CELF2: variants seen among roughly 807,000 people sequenced by gnomAD.
CELF2 encodes the protein CUG triplet repeat RNA-binding protein 2.
CELF2 carries 8 observed loss-of-function variants against 62.6 expected under a neutral mutation model. The observed-to-expected ratio is 0.13, with a 90% CI of 0.07 to 0.23. The LOEUF (loss-of-function observed/expected upper bound fraction) is 0.23. Ranked by LOEUF, CELF2 falls within the 10% of genes least tolerant of loss-of-function variation. CELF2 has a pLI of 1.00. For synonymous variants in CELF2, 258 were observed against 250.0 expected, an observed-to-expected ratio of 1.03 and a Z score of -0.30; for missense variants, 333 against 671.0, an observed-to-expected ratio of 0.50 and a Z score of 5.56.
chr10:11,017,950 G>A lies in CELF2; in HGVS notation c.-140G>A, dbSNP rs975433597. ...TCGGAGGGGATTGGCGGAGCGCGAG[G>A]AGAGAATGTGACAAGTGCCGGCTCG... On this transcript the variant is annotated 5_prime_UTR_variant, in exon 1 of 13. Transcript: ENST00000633077. This position sits in a 1 kb window ranked among gnomAD's most constrained non-coding sequence, Gnocchi z 5.5. The A allele has an allele frequency of 1.5e-4, 149 of 985,766 alleles. No individual in the cohort carries two copies. The highest frequency in any genetic ancestry group is 1.7e-4 in the Non-Finnish European group (139 of 831,686). 61.1% of individuals were successfully genotyped at this position (985,766 alleles called of 1,614,324 possible).
chr10:11,288,376 G>T (rs767591296), intron 8 of CELF2, 42 bp from the exon 9 acceptor site: 1 of 1,609,382 alleles, frequency 6.2e-7, no homozygotes. Flanking sequence ...CTGTAGAAGT[G>T]TGAGGCCTGT....
intron 1 of CELF2, among the ~76,000 whole-genome samples, chr10:11,009,111 T>G (rs2055922476): frequency 1.3e-5 from 2 of 151,208 alleles, no homozygotes; most frequent in Admixed American, 1.3e-4. Context: ...TTTTGTTGGG[T>G]AGGAAAGACA....
At chr10:11,263,587 C>T (rs2081343177) in intron 5 of CELF2, among the ~76,000 whole-genome samples, 1 of 152,320 alleles carries the variant, frequency 6.6e-6, no homozygotes, top group South Asian at 2.1e-4. Flanking sequence ...GTGAACACCA[C>T]CGCACCCAGA....
the CELF2 span, among the ~76,000 whole-genome samples, chr10:10,536,625 T>A: frequency 6.6e-6 from 1 of 152,214 alleles, no homozygotes; most frequent in Admixed American, 6.5e-5. Context: ...GCCCAGAATG[T>A]CAGCAAGTGT....
At chr10:10,561,060 G>T in the CELF2 span, among the ~76,000 whole-genome samples, 1 of 152,110 alleles carries the variant, frequency 6.6e-6, no homozygotes, top group Non-Finnish European at 1.5e-5. Flanking sequence ...ATTAAATATG[G>T]TACAGGGTAT....
chr10:11,095,729 CT>C (rs942799087), intron 1 of CELF2, among the ~76,000 whole-genome samples: 1 of 152,138 alleles, frequency 6.6e-6, no homozygotes, highest in Non-Finnish European at 1.5e-5. Context: ...GCACGCAGTG[CT>C]CCCCACTAGG....
rs1406935763 is a variant in CELF2, at chr10:10,932,694, G to GTGTGTA, written c.89+12696_89+12697insGTGTAT. On this transcript the variant is annotated intron_variant, in intron 2 of 13. Transcript: ENST00000636488. Reference sequence around the variant, plus strand: ...TATGTGTATGTGTGTGTGTGTGTGTGTATATATATATGTATGTATAATACA... The same window carrying GTGTGTA: ...TATGTGTATGTGTGTGTGTGTGTGTGTGTGTATATATATATATGTATGTATAATACA... Among the ~76,000 whole-genome samples the GTGTGTA allele has an allele frequency of 5.3e-3, 790 of 149,800 alleles. 6 individuals are homozygous for GTGTGTA. Among genetic ancestry groups the GTGTGTA allele is most frequent in the African/African-American group, 0.019 (755 of 40,610 alleles).
chr10:11,186,309 T>TG (rs1354115737), intron 2 of CELF2, among the ~76,000 whole-genome samples: 5 of 151,210 alleles, frequency 3.3e-5, no homozygotes, highest in Non-Finnish European at 7.4e-5. Flanking sequence ...TTTTTTTTTT[T>TG]TTTTCTATTT....
At chr10:11,215,753 C>T (rs1385731851) in intron 2 of CELF2, among the ~76,000 whole-genome samples, 1 of 152,150 alleles carries the variant, frequency 6.6e-6, no homozygotes, top group East Asian at 1.9e-4. Context: ...TCCTGTTTTT[C>T]TTTGTATACC....
intron 12 of CELF2, among the ~76,000 whole-genome samples, chr10:11,326,363 T>A (rs2095727197): frequency 6.6e-6 from 1 of 152,226 alleles, no homozygotes; most frequent in Non-Finnish European, 1.5e-5. Flanking sequence ...CACCCATTCA[T>A]CAGCACCAAC....
the CELF2 span, among the ~76,000 whole-genome samples, chr10:10,727,304 C>G: frequency 4.6e-5 from 7 of 152,188 alleles, no homozygotes; most frequent in Non-Finnish European, 7.3e-5. Context: ...TTTTCCTATG[C>G]CACTTTCTTT....
chr10:10,988,954 G>A (rs961388650), intron 2 of CELF2, among the ~76,000 whole-genome samples: 4 of 151,916 alleles, frequency 2.6e-5, no homozygotes, highest in African/African-American at 9.7e-5. Flanking sequence ...CATAAAAAGT[G>A]AAAAAACTAA....
chr10:10,748,896 A>T, the CELF2 span, among the ~76,000 whole-genome samples: 1 of 152,034 alleles, frequency 6.6e-6, no homozygotes, highest in Admixed American at 6.6e-5. Context: ...GGTGAATTGG[A>T]AGCAGAGTCT....
the CELF2 span, among the ~76,000 whole-genome samples, chr10:10,496,597 T>A: frequency 1.3e-5 from 2 of 152,172 alleles, no homozygotes; most frequent in Non-Finnish European, 2.9e-5. Context: ...TAATGCACAG[T>A]TCTTGCCCCT....
chr10:10,769,338 A>T, the CELF2 span, among the ~76,000 whole-genome samples: 1 of 152,176 alleles, frequency 6.6e-6, no homozygotes, highest in South Asian at 2.1e-4. Flanking sequence ...GAATCACCTG[A>T]TCAAGGGACA....
chr10:10,700,297 C>T, the CELF2 span, among the ~76,000 whole-genome samples: 2 of 152,178 alleles, frequency 1.3e-5, no homozygotes, highest in Non-Finnish European at 2.9e-5. Flanking sequence ...AGGCCCAAGG[C>T]TGGGTTCACA....
chr10:10,778,488 A>G, the CELF2 span, among the ~76,000 whole-genome samples: 3 of 152,222 alleles, frequency 2.0e-5, no homozygotes, highest in Non-Finnish European at 4.4e-5. Flanking sequence ...GTGAAATGGG[A>G]GCTCAAAAAA....
At chr10:11,186,298 T>TG (rs2074893306) in intron 2 of CELF2, among the ~76,000 whole-genome samples, 7 of 110,564 alleles carry the variant, frequency 6.3e-5, no homozygotes, top group Non-Finnish European at 1.8e-5. Flanking sequence ...TTTTGTTGCT[T>TG]TTTTTTTTTT....
At chr10:11,111,985 A>G (rs1307138109) in intron 1 of CELF2, among the ~76,000 whole-genome samples, 1 of 152,256 alleles carries the variant, frequency 6.6e-6, no homozygotes, top group Admixed American at 6.5e-5. Flanking sequence ...AAAACAGGCT[A>G]CATATGTGAT....
Sources: allele counts gnomAD v4.1 joint callset (sites outside exome capture counted in the v4.1 genomes callset), GRCh38; gene constraint gnomAD v4.1.1; non-coding constraint Gnocchi (gnomAD v3.1); transcripts MANE v1.5; gene names NCBI Gene and HGNC (gene_info 2026-07-23, HGNC 2026-07-21).